PRKAR2A: variants seen among roughly 807,000 people sequenced by gnomAD.
The protein encoded by PRKAR2A is protein kinase cAMP-dependent type II regulatory subunit alpha, also known as cAMP-dependent protein kinase type II-alpha regulatory subunit.
PRKAR2A carries 29 observed loss-of-function variants against 51.9 expected under a neutral mutation model. The observed-to-expected ratio is 0.56, with a 90% CI of 0.42 to 0.76. The LOEUF is 0.76. Ranked by LOEUF, PRKAR2A falls within the 30% of genes least tolerant of loss-of-function variation. PRKAR2A has a pLI of 0.00. For synonymous variants in PRKAR2A, 178 were observed against 186.2 expected (o/e 0.96, Z 0.36); for missense variants, 445 against 512.1 (o/e 0.87, Z 1.26).
chr3:48,764,747 C>T (rs2107229267), intron 8 of PRKAR2A, among the ~76,000 whole-genome samples: 1 of 152,284 alleles, frequency 6.6e-6, no homozygotes, highest in South Asian at 2.1e-4. Flanking sequence ...GCCTCAGCCT[C>T]CCAAGTAGCT....
intron 6 of PRKAR2A, among the ~76,000 whole-genome samples, chr3:48,767,981 AT>A (rs1485630276): frequency 6.6e-6 from 1 of 151,216 alleles, no homozygotes; most frequent in African/African-American, 2.4e-5. Context: ...TATTTTATTT[AT>A]TTATTTAAAA....
intron 8 of PRKAR2A, among the ~76,000 whole-genome samples, chr3:48,763,178 T>TG (rs1448258850): frequency 7.2e-5 from 11 of 152,098 alleles, no homozygotes; most frequent in African/African-American, 7.2e-5. Context: ...GCAGGTCTGG[T>TG]GGGGGGCTCC....
intron 5 of PRKAR2A, among the ~76,000 whole-genome samples, chr3:48,778,742 C>T (rs1355676254): frequency 6.6e-6 from 1 of 151,162 alleles, no homozygotes; most frequent in African/African-American, 2.4e-5. Flanking sequence ...ATGTTCTCGA[C>T]ATCCTGACCT....
chr3:48,800,272 T>G (rs1170662113), intron 2 of PRKAR2A, among the ~76,000 whole-genome samples: 2 of 149,442 alleles, frequency 1.3e-5, no homozygotes, highest in African/African-American at 4.9e-5. Flanking sequence ...CCCAGCACTT[T>G]GGGAGGCCGA....
chr3:48,824,713 G>A (rs552338364), intron 1 of PRKAR2A, among the ~76,000 whole-genome samples: 3 of 152,158 alleles, frequency 2.0e-5, no homozygotes, highest in Middle Eastern at 3.4e-3. Flanking sequence ...TTGGGAGGGC[G>A]AGGCGGGAGG....
chr3:48,827,216 T>C (rs1202493317), intron 1 of PRKAR2A, among the ~76,000 whole-genome samples: 2 of 151,932 alleles, frequency 1.3e-5, no homozygotes, highest in Non-Finnish European at 2.9e-5. Flanking sequence ...ATGCTTGGTC[T>C]AGAAATGCCA....
At chr3:48,792,531 A>C (rs1167322269) in intron 3 of PRKAR2A, among the ~76,000 whole-genome samples, 3 of 118,576 alleles carry the variant, frequency 2.5e-5, no homozygotes, top group Non-Finnish European at 5.0e-5. Context: ...GCGTGATCTC[A>C]GCTCACCACA....
intron 1 of PRKAR2A, among the ~76,000 whole-genome samples, chr3:48,827,206 A>T (rs2083082301): frequency 6.6e-6 from 1 of 152,146 alleles, no homozygotes; most frequent in South Asian, 2.1e-4. Context: ...TGAGCATTGG[A>T]TGCTTGGTCT....
rs868592144 is a variant in PRKAR2A, at chr3:48,832,321, C to A, written c.262+15014G>T. Among the ~76,000 whole-genome samples, 310 of 141,360 alleles carry A rather than the reference C, an allele frequency of 2.2e-3. 1 individual carries two copies. The highest frequency in any genetic ancestry group is 5.8e-3 in the African/African-American group (226 of 38,878). The allele number at this position is 141,360 out of a possible 152,430, so 92.7% of individuals were successfully genotyped here. On this transcript the variant is annotated intron_variant, in intron 1 of 10. Transcript: ENST00000265563. ...CAAAAAAAAAAAAAACAAAAAAAAA[C>A]AAAACTGCTGACAAATTTCCAGGCA...
chr3:48,809,856 C>T (rs965580140), intron 1 of PRKAR2A, among the ~76,000 whole-genome samples: 5 of 152,098 alleles, frequency 3.3e-5, no homozygotes, highest in African/African-American at 1.2e-4. Context: ...CATAGCAACT[C>T]TAGTTGAAGT....
chr3:48,762,467 A>AC (rs2081877874), intron 8 of PRKAR2A, among the ~76,000 whole-genome samples: 1 of 152,184 alleles, frequency 6.6e-6, no homozygotes, highest in South Asian at 2.1e-4. Flanking sequence ...CTACTAAAAA[A>AC]ACACACACAT....
chr3:48,842,293 T>C (rs529027679), intron 1 of PRKAR2A, among the ~76,000 whole-genome samples: 1 of 152,354 alleles, frequency 6.6e-6, no homozygotes, highest in East Asian at 1.9e-4. Flanking sequence ...AAGTTGCTTA[T>C]CAGCTTAAGG....
chr3:48,795,135 C>T (rs993659177), intron 2 of PRKAR2A, among the ~76,000 whole-genome samples: 1 of 152,082 alleles, frequency 6.6e-6, no homozygotes, highest in South Asian at 2.1e-4. Flanking sequence ...TGCAACCATG[C>T]CAGGCTAATT....
intron 1 of PRKAR2A, among the ~76,000 whole-genome samples, chr3:48,825,302 C>G (rs950855897): frequency 1.1e-4 from 16 of 151,946 alleles, no homozygotes; most frequent in Admixed American, 3.9e-4. Flanking sequence ...GGCCACCACA[C>G]CCGGCCTGAT....
At chr3:48,826,471 C>T (rs557957712) in intron 1 of PRKAR2A, among the ~76,000 whole-genome samples, 26 of 152,294 alleles carry the variant, frequency 1.7e-4, no homozygotes, top group Admixed American at 1.2e-3. Flanking sequence ...ACCCTCCCAG[C>T]CCATCAATGG....
intron 5 of PRKAR2A, 75 bp from the exon 6 acceptor site, chr3:48,773,183 T>A: frequency 8.2e-7 from 1 of 1,222,216 alleles, no homozygotes; most frequent in Non-Finnish European, 1.1e-6. Context: ...GTACATATAA[T>A]AGAAAATGTT....
At chr3:48,756,757 C>T (rs943074814) in intron 8 of PRKAR2A, among the ~76,000 whole-genome samples, 2 of 152,222 alleles carry the variant, frequency 1.3e-5, no homozygotes, top group African/African-American at 2.4e-5. Context: ...GGAACAAACA[C>T]CATCTACATC....
Position 48,782,834 on chromosome 3 carries a change from G to C in PRKAR2A, c.542+152C>G. 3 of 606,944 alleles carry C rather than the reference G, an allele frequency of 4.9e-6. No homozygotes were observed. The Middle Eastern group carries it at 7.7e-4, about 156-fold the overall frequency. The allele number at this position is 606,944 out of a possible 1,614,324, so 37.6% of individuals were successfully genotyped here. A position where few individuals can be genotyped will look rare whatever the true frequency, so the allele number is the denominator to read the frequency against. ...GGACTCAGGACAGCACTGGTAGAGAGGGACAAGCTGTGGACTCTCACAAGG... is the reference window on the plus strand; with the variant it reads ...GGACTCAGGACAGCACTGGTAGAGACGGACAAGCTGTGGACTCTCACAAGG... On this transcript the variant is annotated intron_variant, in intron 5 of 10. Coordinates refer to ENST00000265563, the MANE Select transcript of PRKAR2A (RefSeq NM_004157.4).
chr3:48,825,571 G>A (rs1046771563), intron 1 of PRKAR2A, among the ~76,000 whole-genome samples: 2 of 152,070 alleles, frequency 1.3e-5, no homozygotes, highest in African/African-American at 4.8e-5. Context: ...TTGAACCTGG[G>A]AGGCAAAGGT....
Sources: allele counts gnomAD v4.1 joint callset (sites outside exome capture counted in the v4.1 genomes callset), GRCh38; gene constraint gnomAD v4.1.1; transcripts MANE v1.5; gene names NCBI Gene and HGNC (gene_info 2026-07-23, HGNC 2026-07-21).